MID1: variants seen among roughly 807,000 people sequenced by gnomAD.
MID1 encodes E3 ubiquitin-protein ligase Midline-1.
In MID1, 7 loss-of-function variants were observed where a neutral mutation model predicts 40.4. That is an observed-to-expected ratio of 0.17 (90% CI 0.10 to 0.33). The LOEUF (loss-of-function observed/expected upper bound fraction) is 0.33. Ranked by LOEUF, MID1 falls within the 10% of genes least tolerant of loss-of-function variation. MID1 has a pLI of 1.00. For missense variants in MID1, 367 were observed against 558.5 expected (o/e 0.66, Z 3.46); for synonymous variants, 229 against 221.2 (o/e 1.04, Z -0.31).
upstream of MID1, among the ~76,000 whole-genome samples, chrX:10,625,585 A>G (rs1454557442): frequency 1.8e-5 from 2 of 112,195 alleles, no homozygotes; most frequent in East Asian, 5.5e-4. Context: ...CAATAATGAA[A>G]TTTTGCTAAT....
rs185509917 is a variant in MID1, at chrX:10,545,783, T to C, written c.660+21105A>G. ...GAGGAGGAGGCGGAAACATACCTATTTGAAAGCCCAATAACAAGCTGGTGG... is the reference window on the plus strand; with the variant it reads ...GAGGAGGAGGCGGAAACATACCTATCTGAAAGCCCAATAACAAGCTGGTGG... On this transcript the variant is annotated intron_variant, in intron 2 of 9. Transcript: ENST00000317552. Among the ~76,000 whole-genome samples the C allele has an allele frequency of 5.2e-3, 585 of 111,841 alleles. 3 individuals carry two copies. The highest frequency in any genetic ancestry group is 9.7e-3 in the Admixed American group (102 of 10,549).
At chrX:10,666,292 T>A (rs2042950533) in intron 1 of MID1, among the ~76,000 whole-genome samples, 1 of 110,003 alleles carries the variant, frequency 9.1e-6, no homozygotes, top group Non-Finnish European at 1.9e-5. Context: ...GTGCAATAAT[T>A]TATTGGTAAT....
At chrX:10,720,987 G>A (rs1249497301) in intron 1 of MID1, among the ~76,000 whole-genome samples, 7 of 100,127 alleles carry the variant, frequency 7.0e-5, no homozygotes, top group Non-Finnish European at 1.2e-4. Flanking sequence ...TCATAGGTGG[G>A]AATTGAACAA....
rs867877294 is a variant in MID1 at position 10,704,733 on chromosome X, T to C, written c.-186-84314A>G. 4.1e-3 allele frequency among the ~76,000 whole-genome samples: 333 copies of C among 81,542 alleles called. 2 individuals carry two copies. The highest frequency in any genetic ancestry group is 0.019 in the African/African-American group (319 of 16,880). 70.8% of individuals were successfully genotyped at this position (81,542 alleles called of 115,157 possible). ...GTGTGTGTGTATATATATATATATA[T>C]ATATATACACACACACACACACACA... is the stretch of plus-strand genomic sequence containing the variant. On this transcript the variant is annotated intron_variant, in intron 1 of 10. Transcript: ENST00000380785.
rs564903867 is a variant in MID1 at position 10,713,899 on chromosome X, G to T, written c.-186-93480C>A. 1.1e-3 allele frequency among the ~76,000 whole-genome samples: 128 copies of T among 111,896 alleles called. 2 individuals carry two copies. In the South Asian group the frequency reaches 0.046, roughly 41 times the overall value. On this transcript the variant is annotated intron_variant, in intron 1 of 10. Coordinates refer to the MID1 transcript ENST00000380785. ...GCATGTTTACTCTTTTCATGATAAA[G>T]AGGGCTGTAGCTAATTCTTCCTATC... is the stretch of plus-strand genomic sequence containing the variant.
At chrX:10,474,501 T>C in intron 6 of MID1, 122 bp downstream of exon 6, 1 of 705,159 alleles carries the variant, frequency 1.4e-6, no homozygotes, top group African/African-American at 2.1e-5. Flanking sequence ...TTTATGGAAA[T>C]ATCAGTGCCA....
intron 7 of MID1, among the ~76,000 whole-genome samples, chrX:10,465,208 TATATATACACAC>T (rs1208915754): frequency 1.2e-3 from 81 of 65,110 alleles, no homozygotes; most frequent in African/African-American, 5.7e-3. Context: ...TATATATATA[TATATATACACAC>T]ACACACACAC....
intron 4 of MID1, among the ~76,000 whole-genome samples, chrX:10,488,973 C>A (rs150408010): frequency 0.012 from 1,304 of 109,682 alleles, 11 homozygotes; most frequent in East Asian, 0.021. Context: ...TCCTCTCTCT[C>A]TATATATATA....
chrX:10,771,698 C>T (rs1485339531), intron 1 of MID1, among the ~76,000 whole-genome samples: 9 of 89,342 alleles, frequency 1.0e-4, no homozygotes, highest in Non-Finnish European at 1.7e-4. Flanking sequence ...TAGTAGAGAT[C>T]GGGTTTCAGC....
chrX:10,489,739 G>T (rs1332160713), intron 4 of MID1, among the ~76,000 whole-genome samples: 2 of 100,602 alleles, frequency 2.0e-5, no homozygotes, highest in Non-Finnish European at 4.0e-5. Context: ...TCTGTCGCCC[G>T]GGCCGGAGTG....
chrX:10,628,226 T>A (rs954556632), intron 1 of MID1, among the ~76,000 whole-genome samples: 1 of 110,738 alleles, frequency 9.0e-6, no homozygotes, highest in Non-Finnish European at 1.9e-5. Flanking sequence ...CTTATATTAT[T>A]CCCCTGATGC....
intron 2 of MID1, among the ~76,000 whole-genome samples, chrX:10,550,613 C>A (rs1933869402): frequency 8.9e-6 from 1 of 112,112 alleles, no homozygotes; most frequent in Non-Finnish European, 1.9e-5. Context: ...TTAGGGGTCA[C>A]ACAAACAAGT....
intron 9 of MID1, among the ~76,000 whole-genome samples, chrX:10,450,690 C>T (rs1928276856): frequency 8.9e-6 from 1 of 112,076 alleles, no homozygotes. Context: ...AAAAAAAATT[C>T]TGAACGTGTT....
At chrX:10,833,042 G>C (rs1176417534) in intron 1 of MID1, among the ~76,000 whole-genome samples, 1 of 112,650 alleles carries the variant, frequency 8.9e-6, no homozygotes, top group Admixed American at 9.4e-5. Context: ...TTTTTCCTCA[G>C]TGTCTCAGAA....
chrX:10,803,716 G>A (rs1053139707), intron 1 of MID1, among the ~76,000 whole-genome samples: 1 of 111,579 alleles, frequency 9.0e-6, no homozygotes, highest in Non-Finnish European at 1.9e-5. Flanking sequence ...ATATGATATG[G>A]CTAGGTGTAG....
At chrX:10,590,232 C>G (rs940626520) in intron 1 of MID1, among the ~76,000 whole-genome samples, 1 of 111,775 alleles carries the variant, frequency 8.9e-6, no homozygotes, top group Middle Eastern at 4.2e-3. Flanking sequence ...CTTGGTTTCG[C>G]GTCTGGTTCT....
chrX:10,671,844 A>G (rs1460837539), intron 1 of MID1, among the ~76,000 whole-genome samples: 1 of 111,092 alleles, frequency 9.0e-6, no homozygotes, highest in Non-Finnish European at 1.9e-5. Context: ...AAACCTGATC[A>G]TTTTCATTTC....
At chrX:10,572,377 C>A (rs1358068603) in intron 1 of MID1, among the ~76,000 whole-genome samples, 2 of 110,163 alleles carry the variant, frequency 1.8e-5, no homozygotes, top group African/African-American at 6.6e-5. Flanking sequence ...TGGTGAAACC[C>A]CGTCTCTACT....
intron 1 of MID1, among the ~76,000 whole-genome samples, chrX:10,581,180 C>T (rs770492569): frequency 1.2e-3 from 135 of 110,857 alleles, no homozygotes; most frequent in African/African-American, 4.3e-3. Context: ...ACCTGGGAGG[C>T]GGAGGTTGCA....
Sources: allele counts gnomAD v4.1 joint callset (sites outside exome capture counted in the v4.1 genomes callset), GRCh38; gene constraint gnomAD v4.1.1; transcripts MANE v1.5; gene names NCBI Gene and HGNC (gene_info 2026-07-23, HGNC 2026-07-21).